CEP63: variants seen among roughly 807,000 people sequenced by gnomAD.
CEP63 encodes the protein centrosomal protein 63.
Under a neutral mutation model 89.1 loss-of-function variants are expected in CEP63, and 84 were observed. The observed-to-expected ratio is 0.94, with a 90% confidence interval of 0.79 to 1.13. The LOEUF (loss-of-function observed/expected upper bound fraction) is 1.13, where lower values mean the gene tolerates loss of function less well. Among genes scored for constraint, CEP63 ranks in the 50% most tolerant of loss-of-function variants. The pLI is 0.00. For synonymous variants in CEP63, 267 were observed against 272.5 expected, an observed-to-expected ratio of 0.98 and a Z score of 0.20; for missense variants, 838 against 813.3, an observed-to-expected ratio of 1.03 and a Z score of -0.37.
At chr3:134,544,572 C>T (rs1431596676) in intron 6 of CEP63, among the ~76,000 whole-genome samples, 1 of 146,214 alleles carries the variant, frequency 6.8e-6, no homozygotes, top group South Asian at 2.1e-4. Context: ...TTTATGGTCA[C>T]GATGACTAAT....
At chr3:134,528,721 A>G (rs770833936) in intron 3 of CEP63, among the ~76,000 whole-genome samples, 11 of 151,970 alleles carry the variant, frequency 7.2e-5, no homozygotes, top group Admixed American at 2.0e-4. Flanking sequence ...TCCTTTTGGG[A>G]TAATCTGTTT....
the CEP63 span, among the ~76,000 whole-genome samples, chr3:134,704,602 G>A: frequency 6.6e-6 from 1 of 152,238 alleles, no homozygotes. Flanking sequence ...CCTGTCCATG[G>A]GGAGACATTT....
chr3:134,705,464 C>G, the CEP63 span, among the ~76,000 whole-genome samples: 1 of 152,218 alleles, frequency 6.6e-6, no homozygotes, highest in Admixed American at 6.5e-5. Context: ...CCCCATGACC[C>G]AAACATCTCC....
At chr3:134,580,003 C>T (rs1353281517), downstream of CEP63, among the ~76,000 whole-genome samples, 1 of 152,064 alleles carries the variant, frequency 6.6e-6, no homozygotes, top group Non-Finnish European at 1.5e-5. Context: ...TGAGACTAGC[C>T]TGGTTAACAT....
the CEP63 span, among the ~76,000 whole-genome samples, chr3:134,738,654 A>C: frequency 6.9e-4 from 105 of 152,272 alleles, no homozygotes; most frequent in African/African-American, 2.4e-3. Context: ...AAAGACTACA[A>C]ATACAGTGCA....
chr3:134,706,986 C>G, the CEP63 span, among the ~76,000 whole-genome samples: 1 of 152,200 alleles, frequency 6.6e-6, no homozygotes, highest in Non-Finnish European at 1.5e-5. Context: ...TGATCTCATC[C>G]TAAGATCTTT....
the CEP63 span, among the ~76,000 whole-genome samples, chr3:134,609,672 C>G: frequency 6.6e-6 from 1 of 152,172 alleles, no homozygotes; most frequent in Non-Finnish European, 1.5e-5. Context: ...CTGCCCTGCC[C>G]CACTGTGCCT....
intron 6 of CEP63, among the ~76,000 whole-genome samples, chr3:134,544,251 T>C (rs1203562862): frequency 6.6e-6 from 1 of 152,222 alleles, no homozygotes; most frequent in Non-Finnish European, 1.5e-5. Context: ...AGTTTACCTC[T>C]ACAGATTATT....
At chr3:134,620,471 AG>A in the CEP63 span, among the ~76,000 whole-genome samples, 2 of 152,148 alleles carry the variant, frequency 1.3e-5, no homozygotes, top group Admixed American at 6.5e-5. Flanking sequence ...GCTGGGACAG[AG>A]GGAAGGCTGC....
chr3:134,622,703 A>G, the CEP63 span, among the ~76,000 whole-genome samples: 2 of 152,352 alleles, frequency 1.3e-5, no homozygotes, highest in South Asian at 2.1e-4. Flanking sequence ...TGATAAAAAA[A>G]GAACAAATTA....
the CEP63 span, among the ~76,000 whole-genome samples, chr3:134,759,612 G>T: frequency 6.6e-6 from 1 of 152,150 alleles, no homozygotes; most frequent in Non-Finnish European, 1.5e-5. Context: ...GGCTGCTATT[G>T]GAGAAAGGAA....
At chr3:134,722,406 C>T in the CEP63 span, among the ~76,000 whole-genome samples, 1 of 152,034 alleles carries the variant, frequency 6.6e-6, no homozygotes, top group South Asian at 2.1e-4. Context: ...GATGTCTTCT[C>T]TTTCATTCCC....
the CEP63 span, among the ~76,000 whole-genome samples, chr3:134,723,920 T>C: frequency 6.6e-6 from 1 of 152,208 alleles, no homozygotes; most frequent in Admixed American, 6.5e-5. Context: ...GTCACTACAA[T>C]AATTGACAAC....
At chr3:134,488,406 A>G (rs866126057) in intron 1 of CEP63, among the ~76,000 whole-genome samples, 2 of 151,970 alleles carry the variant, frequency 1.3e-5, no homozygotes, top group African/African-American at 4.8e-5. Context: ...CAGGAGTTTG[A>G]GACCAGTGTG....
chr3:134,619,457 G>C, the CEP63 span, among the ~76,000 whole-genome samples: 3 of 152,230 alleles, frequency 2.0e-5, no homozygotes, highest in Admixed American at 2.0e-4. Flanking sequence ...GGAAGAGCAG[G>C]CCTTGGCAGA....
chr3:134,746,162 A>T, the CEP63 span, among the ~76,000 whole-genome samples: 1 of 151,582 alleles, frequency 6.6e-6, no homozygotes. Flanking sequence ...GAGTGAGAAC[A>T]TGTGGTGTTT....
At chr3:134,719,228 C>A in the CEP63 span, among the ~76,000 whole-genome samples, 1 of 151,952 alleles carries the variant, frequency 6.6e-6, no homozygotes, top group African/African-American at 2.4e-5. Flanking sequence ...GTCTTGAACT[C>A]CTGGGCTCAA....
the CEP63 span, chr3:134,615,150 T>C: frequency 6.6e-6 from 1 of 152,230 alleles, no homozygotes; most frequent in Non-Finnish European, 1.5e-5. Context: ...GCTACGTCAA[T>C]AACTAGTAAT....
At chr3:134,669,599 C>G in the CEP63 span, among the ~76,000 whole-genome samples, 309 of 152,206 alleles carry the variant, frequency 2.0e-3, no homozygotes, top group African/African-American at 7.0e-3. Flanking sequence ...TTGCACAACA[C>G]CAGTGCTACC....
Sources: gnomAD v4.1 joint callset for allele counts (sites outside exome capture counted in the v4.1 genomes callset) on GRCh38, gnomAD v4.1.1 for gene constraint, MANE v1.5 for transcripts, NCBI Gene and HGNC (gene_info 2026-07-23, HGNC 2026-07-21) for gene names.